Variants in HMGN3 observed in about 807,000 individuals in gnomAD.
HMGN3 encodes high mobility group nucleosomal binding domain 3, also known as high mobility group nucleosome-binding domain-containing protein 3.
A neutral mutation model predicts 18.8 loss-of-function variants in HMGN3; 6 were observed. The ratio of observed to expected loss-of-function variants is 0.32; its 90% confidence interval spans 0.18 to 0.63. HMGN3 has a LOEUF of 0.63. Among genes scored for constraint, HMGN3 ranks in the 30% least tolerant of loss-of-function variants. The probability of loss-of-function intolerance (pLI) is 0.79; values close to 1 mark genes in which losing one functional copy is unlikely to be tolerated. For synonymous variants in HMGN3, 40 were observed against 36.5 expected (o/e 1.10, Z -0.35); for missense variants, 107 against 114.2 (o/e 0.94, Z 0.29).
chr6:79,204,605 A>G (rs945514443), intron 3 of HMGN3, among the ~76,000 whole-genome samples: 1 of 152,262 alleles, frequency 6.6e-6, no homozygotes, highest in Non-Finnish European at 1.5e-5. Flanking sequence ...GTTTTAAAAT[A>G]GAAAACACTG....
chr6:79,214,418 G>A (rs908714751), intron 2 of HMGN3, among the ~76,000 whole-genome samples: 10 of 151,954 alleles, frequency 6.6e-5, no homozygotes, highest in Non-Finnish European at 1.0e-4. Context: ...AGCCAGGATG[G>A]TCTCTATCTC....
chr6:79,219,579 A>C (rs1484805333), intron 1 of HMGN3, among the ~76,000 whole-genome samples: 1 of 152,170 alleles, frequency 6.6e-6, no homozygotes, highest in East Asian at 1.9e-4. Flanking sequence ...TTGTGTTTTT[A>C]AGTTTCAACA....
At chr6:79,217,074 C>A (rs1176116759) in intron 1 of HMGN3, among the ~76,000 whole-genome samples, 1 of 152,058 alleles carries the variant, frequency 6.6e-6, no homozygotes, top group Non-Finnish European at 1.5e-5. Flanking sequence ...GTATGGGATG[C>A]AAATTATTCA....
chr6:79,226,996 AGTTT>A (rs1777594318), intron 1 of HMGN3, among the ~76,000 whole-genome samples: 1 of 152,224 alleles, frequency 6.6e-6, no homozygotes, highest in Admixed American at 6.5e-5. Flanking sequence ...ATTTTGATTT[AGTTT>A]GTTAACTTCG....
intron 3 of HMGN3, among the ~76,000 whole-genome samples, chr6:79,206,920 T>C (rs1013601844): frequency 1.3e-5 from 2 of 152,138 alleles, no homozygotes; most frequent in Non-Finnish European, 2.9e-5. Flanking sequence ...GAGTCAAAGA[T>C]CATTTTGGAG....
At chr6:79,226,431 A>G (rs1200987846) in intron 1 of HMGN3, among the ~76,000 whole-genome samples, 2 of 152,180 alleles carry the variant, frequency 1.3e-5, no homozygotes, top group Non-Finnish European at 2.9e-5. Flanking sequence ...AAGTGCTAAA[A>G]ACAGTCTGAC....
intron 1 of HMGN3, among the ~76,000 whole-genome samples, chr6:79,218,782 C>T (rs1039487939): frequency 1.3e-5 from 2 of 151,966 alleles, no homozygotes; most frequent in South Asian, 2.1e-4. Flanking sequence ...ATACTACATA[C>T]GTATGTATGT....
At chr6:79,231,171 TA>T (rs1343495880) in intron 1 of HMGN3, among the ~76,000 whole-genome samples, 1 of 152,104 alleles carries the variant, frequency 6.6e-6, no homozygotes, top group Non-Finnish European at 1.5e-5. Context: ...AAAATATTAA[TA>T]AAAAGAAAGA....
chr6:79,228,720 C>T (rs1317562717), intron 1 of HMGN3, among the ~76,000 whole-genome samples: 1 of 152,066 alleles, frequency 6.6e-6, no homozygotes, highest in African/African-American at 2.4e-5. Context: ...AATCAAGATA[C>T]CAAGATAGCG....
chr6:79,223,739 C>CTTTTTTTTTTTTTTT (rs11461795), intron 1 of HMGN3, among the ~76,000 whole-genome samples: 1 of 147,482 alleles, frequency 6.8e-6, no homozygotes. Context: ...CTAGAGTTAC[C>CTTTTTTTTTTTTTTT]TTTTTTTTTT....
intron 1 of HMGN3, 51 bp downstream of exon 1, chr6:79,234,495 A>G (rs1185925314): frequency 6.3e-7 from 1 of 1,586,202 alleles, no homozygotes; most frequent in Admixed American, 1.7e-5. Context: ...GCCAGCATTT[A>G]CTGTAAGCAG....
chr6:79,227,146 T>G (rs1330837906), intron 1 of HMGN3, among the ~76,000 whole-genome samples: 1 of 152,224 alleles, frequency 6.6e-6, no homozygotes, highest in African/African-American at 2.4e-5. Context: ...GGAATATATT[T>G]AACTCTGGTG....
At chr6:79,213,277 T>C (rs1251293750) in intron 2 of HMGN3, among the ~76,000 whole-genome samples, 1 of 151,892 alleles carries the variant, frequency 6.6e-6, no homozygotes, top group Non-Finnish European at 1.5e-5. Context: ...AAATAATATG[T>C]ATAAGACAGC....
chr6:79,208,411 T>C, intron 3 of HMGN3, 136 bp downstream of exon 3: 1 of 769,272 alleles, frequency 1.3e-6, no homozygotes, highest in South Asian at 1.6e-5. Context: ...TTGCTAGACA[T>C]GAGGACCCTA....
chr6:79,228,760 T>C (rs2127840193), intron 1 of HMGN3, among the ~76,000 whole-genome samples: 1 of 152,268 alleles, frequency 6.6e-6, no homozygotes, highest in Admixed American at 6.5e-5. Context: ...AGAGATGACG[T>C]CTCGCTATGT....
intron 1 of HMGN3, among the ~76,000 whole-genome samples, chr6:79,224,080 A>G (rs1024590402): frequency 6.6e-6 from 1 of 152,188 alleles, no homozygotes; most frequent in African/African-American, 2.4e-5. Context: ...TTTAATCTTC[A>G]CCGCAATCTT....
chr6:79,216,907 T>C (rs1777015434), intron 1 of HMGN3, among the ~76,000 whole-genome samples: 1 of 152,204 alleles, frequency 6.6e-6, no homozygotes, highest in Admixed American at 6.5e-5. Context: ...TCTAGGGTAC[T>C]CTCTACCTAT....
rs974836423 is a variant in HMGN3, at chr6:79,202,177, TA to T, written c.261+98del. 4 of 1,603,294 alleles carry T rather than the reference TA, an allele frequency of 2.5e-6. No individual in the cohort carries two copies. In the African/African-American group the frequency reaches 5.3e-5, roughly 21 times the overall value. On this transcript the variant is annotated intron_variant, in intron 5 of 5. Coordinates refer to ENST00000344726, the Ensembl canonical transcript of HMGN3. ...GGATCTGCAATAACATTACAGGCAA[TA>T]AAAAGAGACATTAAGAACGTGCTAT...
chr6:79,219,731 C>T (rs1195901569), intron 1 of HMGN3, among the ~76,000 whole-genome samples: 2 of 151,988 alleles, frequency 1.3e-5, no homozygotes, highest in African/African-American at 4.8e-5. Context: ...TTTATTATTT[C>T]ACCCTGTAAT....
Sources: allele counts gnomAD v4.1 joint callset (sites outside exome capture counted in the v4.1 genomes callset), GRCh38; gene constraint gnomAD v4.1.1; transcripts MANE v1.5; gene names NCBI Gene and HGNC (gene_info 2026-07-23, HGNC 2026-07-21).